The following ADCY1 variants were observed in gnomAD, a reference collection of about 807,000 sequenced individuals.
ADCY1 encodes the protein adenylate cyclase type 1.
Under a neutral mutation model 105.4 loss-of-function variants are expected in ADCY1, and 28 were observed. The observed-to-expected ratio is 0.27, with a 90% CI of 0.20 to 0.36. The LOEUF (loss-of-function observed/expected upper bound fraction) is 0.36. Among genes scored for constraint, ADCY1 ranks in the 10% least tolerant of loss-of-function variants. The pLI is 1.00. For synonymous variants in ADCY1, 655 were observed against 623.8 expected, an observed-to-expected ratio of 1.05 and a Z score of -0.75; for missense variants, 977 against 1,434.2, an observed-to-expected ratio of 0.68 and a Z score of 5.15.
chr7:45,606,379 T>C (rs1254756795), intron 2 of ADCY1, among the ~76,000 whole-genome samples: 1 of 152,152 alleles, frequency 6.6e-6, no homozygotes, highest in Non-Finnish European at 1.5e-5. Context: ...GGTAAGTTAT[T>C]GTCTGGAAGT....
chr7:45,640,045 A>G (rs779322965), intron 4 of ADCY1, among the ~76,000 whole-genome samples: 2 of 152,238 alleles, frequency 1.3e-5, no homozygotes, highest in Non-Finnish European at 2.9e-5. Flanking sequence ...TTAAGGGAAT[A>G]TAAGACAAGT....
intron 4 of ADCY1, among the ~76,000 whole-genome samples, chr7:45,634,972 A>G (rs995066237): frequency 2.4e-4 from 36 of 152,156 alleles, no homozygotes; most frequent in Non-Finnish European, 4.9e-4. Flanking sequence ...GTTTGGGAAC[A>G]TTTCCTTTTG....
At position 45,574,932 on chromosome 7, in the gene ADCY1, G is replaced by T; in HGVS notation, c.389G>T (p.Ser130Ile). The T allele has an allele frequency of 1.2e-6, 2 of 1,611,982 alleles. No homozygotes were observed. The highest frequency in any genetic ancestry group is 1.1e-5 in the South Asian group (1 of 91,074). Residue 130 changes from serine to isoleucine, a missense_variant, in exon 1 of 20, where the codon AGC becomes ATC. Ser to Ile is a moderately radical substitution (Grantham distance 142). Coordinates refer to ENST00000297323, the MANE Select transcript of ADCY1 (RefSeq NM_021116.4). This position sits in a 1 kb window ranked among gnomAD's most constrained non-coding sequence, Gnocchi z 7.0. ...GTCGGCCAGCTGGCGCTGCTCTTCA[G>T]CCTCACCTTCGCGCTGCTCTGCTGT... The part of the protein sequence containing the change: ...QQVGQLALLF[S>I]LTFALLCCPF...
At chr7:45,625,478 C>T (rs968454461) in intron 4 of ADCY1, among the ~76,000 whole-genome samples, 8 of 151,780 alleles carry the variant, frequency 5.3e-5, no homozygotes, top group African/African-American at 9.7e-5. Context: ...TGTGAGCATG[C>T]ATGTGCACAC....
At chr7:45,623,798 G>A (rs927771953) in intron 4 of ADCY1, among the ~76,000 whole-genome samples, 9 of 152,144 alleles carry the variant, frequency 5.9e-5, no homozygotes, top group Non-Finnish European at 1.2e-4. Flanking sequence ...CTCCTCTTTC[G>A]AAGAGGGAAG....
chr7:45,624,215 G>A (rs1244750040), intron 4 of ADCY1, among the ~76,000 whole-genome samples: 1 of 152,162 alleles, frequency 6.6e-6, no homozygotes, highest in Admixed American at 6.5e-5. Context: ...GAGCCAGGCG[G>A]TAGTCACACG....
At chr7:45,580,530 T>A (rs776571194) in intron 1 of ADCY1, among the ~76,000 whole-genome samples, 1 of 152,146 alleles carries the variant, frequency 6.6e-6, no homozygotes, top group Non-Finnish European at 1.5e-5. Context: ...GAGACCCTGG[T>A]CAATAACTCA....
intron 1 of ADCY1, among the ~76,000 whole-genome samples, chr7:45,588,877 G>C (rs1475305652): frequency 6.6e-6 from 1 of 150,886 alleles, no homozygotes; most frequent in Admixed American, 6.6e-5. Flanking sequence ...GTATGTGTGT[G>C]TGTGTGTGTG....
rs1785199577 is a variant in ADCY1 at position 45,710,215 on chromosome 7, T to G, written c.2933-313T>G. Among the ~76,000 whole-genome samples the G allele has an allele frequency of 6.6e-6, 1 of 152,166 alleles. No homozygotes were observed. The highest frequency in any genetic ancestry group is 1.5e-5 in the Non-Finnish European group (1 of 68,020). On this transcript the variant is annotated intron_variant, in intron 18 of 19. Coordinates refer to ENST00000297323, the MANE Select transcript of ADCY1 (RefSeq NM_021116.4). This position sits in a 1 kb window ranked among gnomAD's most constrained non-coding sequence, Gnocchi z 4.7. The stretch of plus-strand genomic sequence containing the variant: ...CCCTGGTAGGGCTCAGCACAGAGGC[T>G]GCTATTCCAGGAAAGGGGACTTTTA...
rs150747509 is a variant in ADCY1, at chr7:45,589,643, T to G, written c.640-3116T>G. 5.2e-4 allele frequency among the ~76,000 whole-genome samples: 79 copies of G among 152,198 alleles called. No individual in the cohort carries two copies. In the East Asian group the frequency reaches 0.014, roughly 27 times the overall value. On this transcript the variant is annotated intron_variant, in intron 1 of 19. Transcript: ENST00000297323. ...AGTGGATGCATTTGGTGGTTGAGGA[T>G]GCTCATCTGGGAAAATGCGGGGGCG...
rs752002367 is a variant in ADCY1 at position 45,574,900 on chromosome 7, G to A, written c.357G>A (p.Leu119=). The part of the protein sequence containing the change: ...TNVRSLQVPQ[L]QQVGQLALLF... The stretch of plus-strand genomic sequence containing the variant: ...TCCGGTCCCTGCAGGTGCCCCAGCT[G>A]CAGCAGGTCGGCCAGCTGGCGCTGC... The change falls in exon 1 of 20, where the codon CTG becomes CTA. Residue 119 remains leucine (L), a synonymous_variant. Coordinates refer to ENST00000297323, the MANE Select transcript of ADCY1 (RefSeq NM_021116.4). The surrounding 1 kb of genome is among the most constrained non-coding windows in gnomAD (Gnocchi z 7.0). 1.2e-6 allele frequency: 2 copies of A among 1,611,800 alleles called. No homozygotes were observed. Among genetic ancestry groups the A allele is most frequent in the Non-Finnish European group, 1.7e-6 (2 of 1,179,722 alleles).
chr7:45,659,988 ACT>A (rs1795051609), intron 6 of ADCY1, 52 bp from the exon 7 acceptor site: 13 of 1,607,508 alleles, frequency 8.1e-6, no homozygotes, highest in Non-Finnish European at 1.1e-5. Flanking sequence ...GGCCCTGCAG[ACT>A]CTGACAGCAG....
intron 1 of ADCY1, among the ~76,000 whole-genome samples, chr7:45,589,682 G>A (rs1330218246): frequency 3.9e-5 from 6 of 152,152 alleles, no homozygotes; most frequent in Non-Finnish European, 8.8e-5. Context: ...GTGTCTCGGC[G>A]GGTGAGCCCT....
intron 3 of ADCY1, among the ~76,000 whole-genome samples, chr7:45,615,622 CA>C (rs111290298): frequency 6.6e-6 from 1 of 151,870 alleles, no homozygotes; most frequent in Non-Finnish European, 1.5e-5. Context: ...AACAAACAAA[CA>C]AAAAAACCTG....
chr7:45,656,116 A>T (rs538945523), intron 5 of ADCY1, among the ~76,000 whole-genome samples: 7 of 151,250 alleles, frequency 4.6e-5, no homozygotes, highest in South Asian at 4.2e-4. Flanking sequence ...TGAAACCCCG[A>T]CTCTATTAAA....
chr7:45,673,257 T>A (rs1166934955), intron 8 of ADCY1, among the ~76,000 whole-genome samples: 1 of 152,158 alleles, frequency 6.6e-6, no homozygotes, highest in Non-Finnish European at 1.5e-5. Context: ...TTGTACTATC[T>A]TCGTCTGGTG....
At chr7:45,634,040 C>G (rs73694824) in intron 4 of ADCY1, among the ~76,000 whole-genome samples, 58 of 152,118 alleles carry the variant, frequency 3.8e-4, no homozygotes, top group African/African-American at 1.4e-3. Flanking sequence ...CACTCCTAAC[C>G]TGTGTTTTGT....
At chr7:45,604,154 A>T (rs574879255) in intron 2 of ADCY1, among the ~76,000 whole-genome samples, 2 of 152,208 alleles carry the variant, frequency 1.3e-5, no homozygotes, top group South Asian at 4.1e-4. Context: ...TGGTTGTACC[A>T]TTTATGTACC....
chr7:45,652,273 C>T (rs905608272), intron 5 of ADCY1, among the ~76,000 whole-genome samples: 7 of 152,280 alleles, frequency 4.6e-5, no homozygotes, highest in Admixed American at 2.0e-4. Flanking sequence ...TGGGTGGGGA[C>T]GTAGAGCCAA....
Sources: allele counts gnomAD v4.1 joint callset (sites outside exome capture counted in the v4.1 genomes callset), GRCh38; gene constraint gnomAD v4.1.1; non-coding constraint Gnocchi (gnomAD v3.1); transcripts MANE v1.5; gene names NCBI Gene and HGNC (gene_info 2026-07-23, HGNC 2026-07-21).